Variants in SREBF2 observed in about 807,000 individuals in gnomAD.
SREBF2 encodes the protein sterol regulatory element binding transcription factor 2, also known as sterol regulatory element-binding protein 2.
SREBF2 carries 55 observed loss-of-function variants against 113.1 expected under a neutral mutation model. The ratio of observed to expected loss-of-function variants is 0.49; its 90% CI spans 0.39 to 0.61. The LOEUF (loss-of-function observed/expected upper bound fraction) is 0.61. Ranked by LOEUF, SREBF2 falls within the 20% of genes least tolerant of loss-of-function variation. The pLI is 0.00. For synonymous variants in SREBF2, 593 were observed against 605.7 expected, an observed-to-expected ratio of 0.98 and a Z score of 0.31; for missense variants, 1,349 against 1,487.4, an observed-to-expected ratio of 0.91 and a Z score of 1.53.
At chr22:41,900,114 T>G (rs2077452440) in intron 15 of SREBF2, 14 of 1,448,144 alleles carry the variant, frequency 9.7e-6, no homozygotes, top group Non-Finnish European at 1.3e-5. Context: ...CTTCCAGCAT[T>G]GAATGAAGGT....
intron 13 of SREBF2, among the ~76,000 whole-genome samples, chr22:41,896,848 T>C (rs2077420809): frequency 6.6e-6 from 1 of 152,052 alleles, no homozygotes; most frequent in South Asian, 2.1e-4. Context: ...GGGAAGAGTG[T>C]CAGTGACAGC....
intron 1 of SREBF2, among the ~76,000 whole-genome samples, chr22:41,840,888 T>G (rs985519766): frequency 6.6e-6 from 1 of 152,194 alleles, no homozygotes; most frequent in Admixed American, 6.6e-5. Context: ...CCTTGTCACC[T>G]GAGCCTGCAG....
rs143615881 is a variant in SREBF2 at position 41,866,944 on chromosome 22, G to GGCAGCAGCA, written c.215_223dup (p.Ser72_Ser74dup). ...TAGTGGTAGCAGCAGCGGCAGCAGTGGCAGCAGCAGCAGCAGCAGCAATGG... is the reference window on the plus strand; with the variant it reads ...TAGTGGTAGCAGCAGCGGCAGCAGTGGCAGCAGCAGCAGCAGCAGCAGCAGCAGCAATGG... On this transcript the variant is annotated inframe_insertion, in exon 2 of 19. Transcript: ENST00000361204. 10 of 1,613,218 alleles carry GGCAGCAGCA rather than the reference G, an allele frequency of 6.2e-6. No individual in the cohort carries two copies. In the East Asian group the frequency reaches 6.7e-5, roughly 11 times the overall value.
At chr22:41,903,813 T>C (rs74989989) in intron 17 of SREBF2, among the ~76,000 whole-genome samples, 10,107 of 152,290 alleles carry the variant, frequency 0.066, 350 homozygotes, top group Non-Finnish European at 0.079. Context: ...GCCGTGGAGC[T>C]TGGGATTCAG....
chr22:41,893,724 GTCA>G (rs2077385630), intron 12 of SREBF2, among the ~76,000 whole-genome samples: 2 of 152,194 alleles, frequency 1.3e-5, no homozygotes, highest in South Asian at 4.1e-4. Context: ...GTGGCAGGCA[GTCA>G]TCAACTGCTC....
At chr22:41,834,182 G>C (rs2076746740) in intron 1 of SREBF2, among the ~76,000 whole-genome samples, 1 of 152,184 alleles carries the variant, frequency 6.6e-6, no homozygotes. Flanking sequence ...AGGTCACCCA[G>C]CTGGTTAGAG....
chr22:41,896,179 C>G (rs989461785), intron 13 of SREBF2, among the ~76,000 whole-genome samples: 12 of 151,532 alleles, frequency 7.9e-5, no homozygotes, highest in African/African-American at 2.9e-4. Flanking sequence ...TGAAATGTGA[C>G]GAGCTCAGCA....
intron 15 of SREBF2, 200 bp downstream of exon 15, chr22:41,898,981 C>T: frequency 1.3e-6 from 1 of 766,948 alleles, no homozygotes; most frequent in Non-Finnish European, 2.1e-6. Flanking sequence ...AAGTGTCCTG[C>T]TCTGCACAAC....
intron 1 of SREBF2, among the ~76,000 whole-genome samples, chr22:41,855,745 T>C (rs1248294748): frequency 6.6e-6 from 1 of 151,050 alleles, no homozygotes; most frequent in African/African-American, 2.4e-5. Context: ...TAGACAGTGC[T>C]GTAGTATAAC....
At chr22:41,838,094 C>G (rs1324116174) in intron 1 of SREBF2, among the ~76,000 whole-genome samples, 1 of 152,052 alleles carries the variant, frequency 6.6e-6, no homozygotes, top group Non-Finnish European at 1.5e-5. Flanking sequence ...CCTCATGTGC[C>G]ATTACACACC....
At position 41,849,134 on chromosome 22, in the gene SREBF2, G is replaced by A. The variant is rs1219191014; in HGVS notation, c.88+15776G>A. Among the ~76,000 whole-genome samples the A allele has an allele frequency of 2.6e-5, 4 of 152,130 alleles. No individual in the cohort carries two copies. In the South Asian group the frequency reaches 8.3e-4, roughly 31 times the overall value. On this transcript the variant is annotated intron_variant, in intron 1 of 18. Coordinates refer to ENST00000361204, the MANE Select transcript of SREBF2 (RefSeq NM_004599.4). ...TTCCAGCAGGTTCCTCTTGTACCAT[G>A]TATCCCTTTTTATCCTAACACTTTG...
At chr22:41,895,810 G>T (rs2077410941) in intron 13 of SREBF2, among the ~76,000 whole-genome samples, 1 of 152,002 alleles carries the variant, frequency 6.6e-6, no homozygotes, top group Admixed American at 6.6e-5. Context: ...TCATTAGCTT[G>T]CTCTGCTTTT....
At chr22:41,839,960 T>C (rs867764077) in intron 1 of SREBF2, among the ~76,000 whole-genome samples, 13 of 143,068 alleles carry the variant, frequency 9.1e-5, no homozygotes, top group South Asian at 9.0e-4. Context: ...TAGTTTCTTT[T>C]TTTTTTTTTT....
rs1331966849 is a variant in SREBF2, at chr22:41,875,604, G to C, written c.1266G>C (p.Glu422Asp). Residue 422 changes from glutamate to aspartate, a missense_variant, in exon 7 of 19, where the codon GAG (glutamate) becomes GAC (aspartate). Around this residue, in one of 2 missense-constraint regions of SREBF2, gnomAD observed 699 missense variants for 843.3 expected, o/e 0.83. Coordinates refer to ENST00000361204, the MANE Select transcript of SREBF2 (RefSeq NM_004599.4). ...ACAATGAGGTGGACCTGAAGATCGA[G>C]GACTTTAATCAGAATGTCCTTCTGA... ...LVDNEVDLKIEDFNQNVLLMS... is the reference protein window; with the variant it reads ...LVDNEVDLKIDDFNQNVLLMS... 6.2e-6 allele frequency: 10 copies of C among 1,614,108 alleles called. No homozygotes were observed. Among genetic ancestry groups the C allele is most frequent in the Non-Finnish European group, 8.5e-6 (10 of 1,180,060 alleles).
intron 1 of SREBF2, among the ~76,000 whole-genome samples, chr22:41,848,561 G>A (rs1351171999): frequency 6.6e-6 from 1 of 152,212 alleles, no homozygotes; most frequent in Non-Finnish European, 1.5e-5. Context: ...GACTCTGGTT[G>A]ATTGCAGCAT....
chr22:41,857,083 GAATTT>G (rs2076983995), intron 1 of SREBF2, among the ~76,000 whole-genome samples: 2 of 133,520 alleles, frequency 1.5e-5, no homozygotes, highest in African/African-American at 5.6e-5. Flanking sequence ...AAAAAAAAAA[GAATTT>G]GATTTGATTT....
chr22:41,846,695 A>G (rs1414157856), intron 1 of SREBF2, among the ~76,000 whole-genome samples: 1 of 152,120 alleles, frequency 6.6e-6, no homozygotes, highest in Non-Finnish European at 1.5e-5. Flanking sequence ...ATTTCCTGAT[A>G]CTGTGGTTTT....
intron 14 of SREBF2, among the ~76,000 whole-genome samples, chr22:41,898,244 G>A (rs1024094861): frequency 1.3e-5 from 2 of 152,116 alleles, no homozygotes; most frequent in East Asian, 3.9e-4. Flanking sequence ...CTCCCTAGTA[G>A]CTGGGATTAC....
At chr22:41,854,333 T>C (rs1401379456) in intron 1 of SREBF2, among the ~76,000 whole-genome samples, 2 of 151,150 alleles carry the variant, frequency 1.3e-5, no homozygotes, top group Non-Finnish European at 2.9e-5. Flanking sequence ...AGATAATTTT[T>C]ATATTTTTAG....
Sources: allele counts gnomAD v4.1 joint callset (sites outside exome capture counted in the v4.1 genomes callset), GRCh38; gene constraint gnomAD v4.1.1; regional missense constraint gnomAD v4.1.1; transcripts MANE v1.5; gene names NCBI Gene and HGNC (gene_info 2026-07-23, HGNC 2026-07-21).